The following RYR2 variants were observed in gnomAD, a reference collection of about 807,000 sequenced individuals.
RYR2 encodes ryanodine receptor 2.
In RYR2, 227 loss-of-function variants were observed where a neutral mutation model predicts 601.1. The observed-to-expected ratio is 0.38, with a 90% CI of 0.34 to 0.42. RYR2 has a LOEUF of 0.42. RYR2 is among the 10% of genes least tolerant of loss of function. The pLI is 1.00. For missense variants in RYR2, 4,646 were observed against 6,156.5 expected (o/e 0.75, Z 8.21); for synonymous variants, 2,223 against 2,175.1 (o/e 1.02, Z -0.61).
chr1:237,591,989 G>A (rs1481742059), intron 32 of RYR2, 136 bp downstream of exon 32: 2 of 707,234 alleles, frequency 2.8e-6, no homozygotes, highest in Non-Finnish European at 4.5e-6. Flanking sequence ...GATATATTTT[G>A]GGGACTGAAA....
At position 237,757,799 on chromosome 1, in the gene RYR2, A is replaced by G. The variant is rs147300214; in HGVS notation, c.11325+23A>G. ...CAGGTAACAGCTTCCAGTCATTCATATAATGTACTTTTCAGACAAATGGAC... is the reference window on the plus strand; with the variant it reads ...CAGGTAACAGCTTCCAGTCATTCATGTAATGTACTTTTCAGACAAATGGAC... On this transcript the variant is annotated intron_variant, in intron 82 of 104. Coordinates refer to ENST00000366574, the MANE Select transcript of RYR2 (RefSeq NM_001035.3). The G allele has an allele frequency of 8.3e-6, 12 of 1,446,916 alleles. No homozygotes were observed. In the East Asian group the frequency reaches 1.4e-4, roughly 16 times the overall value. 89.6% of individuals were successfully genotyped at this position (1,446,916 alleles called of 1,614,324 possible). A position where few individuals can be genotyped will look rare whatever the true frequency, so the allele number is the denominator to read the frequency against.
chr1:237,404,772 T>G (rs1304081062), intron 10 of RYR2, among the ~76,000 whole-genome samples: 5 of 152,218 alleles, frequency 3.3e-5, no homozygotes, highest in African/African-American at 7.2e-5. Context: ...AGTCCTGAAG[T>G]CTTAGCTTCA....
At chr1:237,184,329 T>C (rs1426191125) in intron 1 of RYR2, among the ~76,000 whole-genome samples, 1 of 152,176 alleles carries the variant, frequency 6.6e-6, no homozygotes, top group East Asian at 1.9e-4. Context: ...TCCTGCCCTT[T>C]CTCCCAATTA....
intron 1 of RYR2, among the ~76,000 whole-genome samples, chr1:237,157,295 CAAAAAAAAAAAAA>C (rs33922740): frequency 2.4e-4 from 15 of 63,506 alleles, no homozygotes; most frequent in Admixed American, 2.4e-3. Context: ...GACTCCATCT[CAAAAAAAAAAAAA>C]AAAAAAAAAA....
chr1:237,183,553 A>G (rs1679017244), intron 1 of RYR2, among the ~76,000 whole-genome samples: 1 of 152,206 alleles, frequency 6.6e-6, no homozygotes, highest in Non-Finnish European at 1.5e-5. Context: ...AGAGTATTGA[A>G]ATGGTAATAT....
At chr1:237,184,133 G>A (rs1679089316) in intron 1 of RYR2, among the ~76,000 whole-genome samples, 1 of 152,220 alleles carries the variant, frequency 6.6e-6, no homozygotes, top group African/African-American at 2.4e-5. Flanking sequence ...TAAACCCAGA[G>A]TCAGGTTAGC....
intron 1 of RYR2, among the ~76,000 whole-genome samples, chr1:237,138,065 T>A (rs918892341): frequency 6.6e-6 from 1 of 151,684 alleles, no homozygotes; most frequent in South Asian, 2.1e-4. Context: ...TGAGTCTTGC[T>A]CTGTCACCCA....
chr1:237,433,017 G>A (rs1164768943), intron 12 of RYR2, among the ~76,000 whole-genome samples: 1 of 122,436 alleles, frequency 8.2e-6, no homozygotes, highest in East Asian at 2.6e-4. Context: ...TAATTAAAAT[G>A]TTTAGGTGAC....
intron 91 of RYR2, 133 bp from the exon 92 acceptor site, chr1:237,787,855 C>T (rs1458149082): frequency 2.5e-6 from 2 of 812,164 alleles, no homozygotes; most frequent in Non-Finnish European, 3.9e-6. Flanking sequence ...TATTATCATT[C>T]ACCGGAAAAG....
chr1:237,544,624 A>T (rs1669614556), intron 25 of RYR2, among the ~76,000 whole-genome samples: 1 of 152,200 alleles, frequency 6.6e-6, no homozygotes, highest in Non-Finnish European at 1.5e-5. Flanking sequence ...AACCACAAGA[A>T]GATAATCATT....
intron 1 of RYR2, chr1:237,121,158 A>G (rs1432120308): frequency 2.0e-5 from 3 of 152,174 alleles, no homozygotes; most frequent in Non-Finnish European, 2.9e-5. Context: ...AACAGAAATG[A>G]TAACTATCCA....
At chr1:237,086,744 A>C (rs1038758058) in intron 1 of RYR2, among the ~76,000 whole-genome samples, 1 of 152,046 alleles carries the variant, frequency 6.6e-6, no homozygotes, top group Non-Finnish European at 1.5e-5. Context: ...GCGATGCTGG[A>C]AGTGTTTGGG....
intron 17 of RYR2, among the ~76,000 whole-genome samples, chr1:237,474,382 C>A (rs1481870085): frequency 6.6e-6 from 1 of 151,582 alleles, no homozygotes; most frequent in African/African-American, 2.4e-5. Context: ...TTCCTGACAA[C>A]GTAATTGGTT....
chr1:237,400,660 A>G (rs1468515902), intron 10 of RYR2, among the ~76,000 whole-genome samples: 2 of 152,182 alleles, frequency 1.3e-5, no homozygotes, highest in Non-Finnish European at 2.9e-5. Flanking sequence ...AATAGTAGAC[A>G]TTATTTATAA....
intron 10 of RYR2, among the ~76,000 whole-genome samples, chr1:237,415,254 C>T (rs919080741): frequency 6.6e-6 from 1 of 152,050 alleles, no homozygotes; most frequent in Non-Finnish European, 1.5e-5. Context: ...TGAGGGTGCA[C>T]ATAAGGATTT....
At chr1:237,104,667 C>T (rs1320487311) in intron 1 of RYR2, among the ~76,000 whole-genome samples, 3 of 152,184 alleles carry the variant, frequency 2.0e-5, no homozygotes, top group Non-Finnish European at 4.4e-5. Flanking sequence ...GGGTCCTGGT[C>T]ACCCTCTAGG....
rs77777618 is a variant in RYR2 at position 237,359,860 on chromosome 1, C to G, written c.294+3875C>G. 5.8e-4 allele frequency among the ~76,000 whole-genome samples: 89 copies of G among 152,292 alleles called. 1 individual carries two copies. In the East Asian group the frequency reaches 0.014, roughly 24 times the overall value. On this transcript the variant is annotated intron_variant, in intron 4 of 104. Transcript: ENST00000366574. ...ATTTCCATCTACTCCACTCCTAGCCCTTTTCTAACCTATACCATTGGTTTC... is the reference window on the plus strand; with the variant it reads ...ATTTCCATCTACTCCACTCCTAGCCGTTTTCTAACCTATACCATTGGTTTC...
chr1:237,606,320 C>T (rs12403198), intron 35 of RYR2, among the ~76,000 whole-genome samples: 52,288 of 151,802 alleles, frequency 0.34, 10,912 homozygotes, highest in Admixed American at 0.47. Context: ...AATGGGGAAA[C>T]GATTCCCTAT....
intron 83 of RYR2, 34 bp from the exon 84 acceptor site, chr1:237,760,921 C>T (rs1693379383): frequency 7.3e-7 from 1 of 1,362,840 alleles, no homozygotes; most frequent in Non-Finnish European, 1.0e-6. Flanking sequence ...TTCTATTAGT[C>T]CTCTAAATGT....
Sources: gnomAD v4.1 joint callset for allele counts (sites outside exome capture counted in the v4.1 genomes callset) on GRCh38, gnomAD v4.1.1 for gene constraint, MANE v1.5 for transcripts, NCBI Gene and HGNC (gene_info 2026-07-23, HGNC 2026-07-21) for gene names.